The following DLGAP1 variants were observed in gnomAD, a reference collection of about 807,000 sequenced individuals.
DLGAP1 encodes disks large-associated protein 1.
A neutral mutation model predicts 90.8 loss-of-function variants in DLGAP1; 11 were observed. The ratio of observed to expected loss-of-function variants is 0.12; its 90% CI spans 0.08 to 0.20. The LOEUF (loss-of-function observed/expected upper bound fraction) is 0.20. Ranked by LOEUF, DLGAP1 falls within the 10% of genes least tolerant of loss-of-function variation. DLGAP1 has a pLI of 1.00. For synonymous variants in DLGAP1, 558 were observed against 540.7 expected (o/e 1.03, Z -0.44); for missense variants, 1,050 against 1,333.8 (o/e 0.79, Z 3.31).
At chr18:3,559,342 A>C (rs1019954880) in intron 9 of DLGAP1, among the ~76,000 whole-genome samples, 10 of 152,216 alleles carry the variant, frequency 6.6e-5, no homozygotes, top group African/African-American at 2.2e-4. Flanking sequence ...GCTGACAGCC[A>C]GCTGCACATT....
At chr18:3,546,414 C>CAA (rs58897010) in intron 9 of DLGAP1, among the ~76,000 whole-genome samples, 56 of 122,364 alleles carry the variant, frequency 4.6e-4, no homozygotes, top group African/African-American at 1.6e-3. Flanking sequence ...AACCTTGTCT[C>CAA]AAAAAAAAAA....
intron 7 of DLGAP1, among the ~76,000 whole-genome samples, chr18:3,605,857 C>G (rs908649667): frequency 6.6e-6 from 1 of 151,996 alleles, no homozygotes; most frequent in Non-Finnish European, 1.5e-5. Context: ...TTTTTAAAAG[C>G]TAGCCGTAAA....
chr18:4,231,186 A>C (rs2078291995), intron 1 of DLGAP1, among the ~76,000 whole-genome samples: 1 of 152,174 alleles, frequency 6.6e-6, no homozygotes, highest in Non-Finnish European at 1.5e-5. Flanking sequence ...AAATATTTAC[A>C]TGAAATCTCA....
chr18:3,963,008 T>G (rs186057471), intron 3 of DLGAP1, among the ~76,000 whole-genome samples: 1 of 152,198 alleles, frequency 6.6e-6, no homozygotes, highest in Non-Finnish European at 1.5e-5. Flanking sequence ...GAAGGACTGG[T>G]TGAAGACTGA....
intron 1 of DLGAP1, among the ~76,000 whole-genome samples, chr18:4,210,426 T>G (rs894043831): frequency 6.6e-6 from 1 of 152,172 alleles, no homozygotes; most frequent in Non-Finnish European, 1.5e-5. Context: ...TTTTTGTTGA[T>G]TGGGACACTA....
chr18:3,563,484 T>G (rs1599259817), intron 9 of DLGAP1, among the ~76,000 whole-genome samples: 1 of 152,134 alleles, frequency 6.6e-6, no homozygotes, highest in East Asian at 1.9e-4. Context: ...GGTTTTTTTT[T>G]TTGAGACGGA....
At chr18:3,662,108 A>AT (rs140826965) in intron 7 of DLGAP1, among the ~76,000 whole-genome samples, 1 of 148,710 alleles carries the variant, frequency 6.7e-6, no homozygotes, top group Admixed American at 6.6e-5. Flanking sequence ...TAAAAAAAAA[A>AT]TTTTTTTTAA....
chr18:4,091,446 A>G (rs1460675256), intron 2 of DLGAP1, among the ~76,000 whole-genome samples: 2 of 152,178 alleles, frequency 1.3e-5, no homozygotes, highest in African/African-American at 4.8e-5. Flanking sequence ...CAACAATTCC[A>G]TCTTAAAATA....
intron 3 of DLGAP1, among the ~76,000 whole-genome samples, chr18:3,926,401 C>CATAT (rs35464708): frequency 4.1e-5 from 6 of 145,688 alleles, no homozygotes; most frequent in African/African-American, 1.0e-4. Flanking sequence ...AAGCAAATGA[C>CATAT]ATATATATAT....
intron 9 of DLGAP1, among the ~76,000 whole-genome samples, chr18:3,543,194 G>A (rs537806096): frequency 2.9e-4 from 32 of 110,062 alleles, no homozygotes; most frequent in African/African-American, 1.0e-3. Flanking sequence ...TTTTTGAGAC[G>A]GAGTCTCGCT....
At chr18:4,416,863 C>T (rs2082912035) in intron 1 of DLGAP1, among the ~76,000 whole-genome samples, 1 of 152,210 alleles carries the variant, frequency 6.6e-6, no homozygotes, top group Non-Finnish European at 1.5e-5. Context: ...ACTAGGTTCA[C>T]TTTCACTCTT....
intron 7 of DLGAP1, among the ~76,000 whole-genome samples, chr18:3,592,680 C>T (rs2056316581): frequency 6.6e-6 from 1 of 150,924 alleles, no homozygotes; most frequent in Non-Finnish European, 1.5e-5. Context: ...CTCAAAAAAA[C>T]CCAAACAACA....
intron 2 of DLGAP1, among the ~76,000 whole-genome samples, chr18:4,028,897 T>A (rs2149126271): frequency 6.6e-6 from 1 of 152,364 alleles, no homozygotes; most frequent in Admixed American, 6.5e-5. Context: ...GCATTTTTAC[T>A]TAAATTTTTT....
chr18:3,911,073 A>C (rs370245119), intron 3 of DLGAP1, among the ~76,000 whole-genome samples: 64 of 152,314 alleles, frequency 4.2e-4, no homozygotes, highest in African/African-American at 1.5e-3. Context: ...GAGTACAAAC[A>C]GAGCAAATTC....
chr18:3,562,474 G>C (rs1164600540), intron 9 of DLGAP1, among the ~76,000 whole-genome samples: 1 of 151,548 alleles, frequency 6.6e-6, no homozygotes, highest in Admixed American at 6.6e-5. Context: ...ATGATAACGA[G>C]TGGGTCTCAT....
chr18:3,641,244 T>A (rs543925251), intron 7 of DLGAP1, among the ~76,000 whole-genome samples: 1 of 151,860 alleles, frequency 6.6e-6, no homozygotes, highest in South Asian at 2.1e-4. Context: ...AGGGCAGTCA[T>A]TCCATTGAAA....
chr18:3,542,442 A>T (rs1262517301), intron 9 of DLGAP1, among the ~76,000 whole-genome samples: 1 of 152,170 alleles, frequency 6.6e-6, no homozygotes, highest in Non-Finnish European at 1.5e-5. Context: ...TTCTCTTCTG[A>T]TTTTCTGGAT....
intron 1 of DLGAP1, among the ~76,000 whole-genome samples, chr18:4,156,335 AC>A (rs1373700068): frequency 6.6e-6 from 1 of 152,184 alleles, no homozygotes; most frequent in Non-Finnish European, 1.5e-5. Flanking sequence ...TATTTCCACC[AC>A]CACAGATGAT....
intron 3 of DLGAP1, among the ~76,000 whole-genome samples, chr18:3,928,077 C>T (rs1231854511): frequency 6.6e-6 from 1 of 152,174 alleles, no homozygotes; most frequent in Non-Finnish European, 1.5e-5. Context: ...TAGTAGCTCA[C>T]ATTCCTCCGC....
Sources: gnomAD v4.1 joint callset for allele counts (sites outside exome capture counted in the v4.1 genomes callset) on GRCh38, gnomAD v4.1.1 for gene constraint, MANE v1.5 for transcripts, NCBI Gene and HGNC (gene_info 2026-07-23, HGNC 2026-07-21) for gene names.